The following CTNND2 variants were observed in gnomAD, a reference collection of about 807,000 sequenced individuals.
The protein encoded by CTNND2 is catenin delta 2, also known as catenin delta-2.
In CTNND2, 22 loss-of-function variants were observed where a neutral mutation model predicts 144.4. That is an observed-to-expected ratio of 0.15 (90% CI 0.11 to 0.22). The LOEUF (loss-of-function observed/expected upper bound fraction) is 0.22. Ranked by LOEUF, CTNND2 falls within the 10% of genes least tolerant of loss-of-function variation. The probability of loss-of-function intolerance (pLI) is 1.00; values close to 1 mark genes in which losing one functional copy is unlikely to be tolerated. For missense variants in CTNND2, 1,353 were observed against 1,618.8 expected (o/e 0.84, Z 2.82); for synonymous variants, 751 against 695.6 (o/e 1.08, Z -1.25).
intron 9 of CTNND2, among the ~76,000 whole-genome samples, chr5:11,322,580 A>G (rs1752141016): frequency 2.0e-5 from 3 of 152,178 alleles, no homozygotes; most frequent in Admixed American, 2.0e-4. Flanking sequence ...TATTTTATGA[A>G]ATTGTTCTAT....
At chr5:11,106,691 T>C (rs1262639301) in intron 14 of CTNND2, among the ~76,000 whole-genome samples, 2 of 152,206 alleles carry the variant, frequency 1.3e-5, no homozygotes, top group African/African-American at 4.8e-5. Flanking sequence ...CCCTACTCAC[T>C]GCACACCCTG....
At position 11,619,407 on chromosome 5, in the gene CTNND2, C is replaced by T. The variant is rs903938290; in HGVS notation, c.175-54351G>A. On this transcript the variant is annotated intron_variant, in intron 2 of 21. Coordinates refer to ENST00000304623, the MANE Select transcript of CTNND2 (RefSeq NM_001332.4). The stretch of plus-strand genomic sequence containing the variant: ...TAGGTGACAGAGTGAGACTGTGTCT[C>T]AAAAACAAAAAACAAAAACCCCAAA... Among the ~76,000 whole-genome samples the T allele has an allele frequency of 2.6e-5, 4 of 152,148 alleles. 1 individual carries two copies. The South Asian group carries it at 8.3e-4, about 32-fold the overall frequency.
chr5:11,521,991 G>A (rs1772768554), intron 3 of CTNND2, among the ~76,000 whole-genome samples: 2 of 152,102 alleles, frequency 1.3e-5, no homozygotes, highest in South Asian at 4.2e-4. Flanking sequence ...AGCTGTATGA[G>A]ACCAGCCTCA....
intron 14 of CTNND2, among the ~76,000 whole-genome samples, chr5:11,099,023 A>T (rs2149666733): frequency 6.6e-6 from 1 of 152,288 alleles, no homozygotes; most frequent in African/African-American, 2.4e-5. Context: ...CTCTCCAAGA[A>T]CGACTCTAAC....
intron 2 of CTNND2, among the ~76,000 whole-genome samples, chr5:11,579,128 G>T (rs1778207168): frequency 6.6e-6 from 1 of 150,534 alleles, no homozygotes. Context: ...TTCAAGCTGT[G>T]AAGGTTTTAG....
intron 9 of CTNND2, among the ~76,000 whole-genome samples, chr5:11,238,886 T>G (rs1364739972): frequency 6.6e-6 from 1 of 152,208 alleles, no homozygotes; most frequent in Non-Finnish European, 1.5e-5. Context: ...AAAACAATCA[T>G]AGAATTAAAA....
At chr5:11,362,574 A>G (rs1481693797) in intron 8 of CTNND2, among the ~76,000 whole-genome samples, 6 of 152,154 alleles carry the variant, frequency 3.9e-5, no homozygotes, top group Non-Finnish European at 7.4e-5. Context: ...AAATTTCCAT[A>G]GTATTACGTC....
intron 10 of CTNND2, among the ~76,000 whole-genome samples, chr5:11,223,692 T>A (rs1191359339): frequency 6.6e-6 from 1 of 152,146 alleles, no homozygotes; most frequent in Non-Finnish European, 1.5e-5. Flanking sequence ...CACACAGAAC[T>A]GTCACGCTGA....
At chr5:11,724,597 G>T (rs1018863060) in intron 2 of CTNND2, among the ~76,000 whole-genome samples, 11 of 152,146 alleles carry the variant, frequency 7.2e-5, no homozygotes, top group African/African-American at 2.7e-4. Flanking sequence ...GGCCAACAGT[G>T]CTACAGTGGT....
intron 1 of CTNND2, among the ~76,000 whole-genome samples, chr5:11,774,573 CAAT>C (rs1379930737): frequency 7.2e-6 from 1 of 139,090 alleles, no homozygotes; most frequent in African/African-American, 2.6e-5. Context: ...AAAAAAAAAA[CAAT>C]GATGGCTTTA....
At chr5:11,668,093 C>G (rs1343726794) in intron 2 of CTNND2, among the ~76,000 whole-genome samples, 1 of 152,158 alleles carries the variant, frequency 6.6e-6, no homozygotes, top group Non-Finnish European at 1.5e-5. Context: ...GGTGTTATTT[C>G]TGAGGCCTCT....
At chr5:11,554,434 G>C (rs908054709) in intron 3 of CTNND2, among the ~76,000 whole-genome samples, 1 of 152,174 alleles carries the variant, frequency 6.6e-6, no homozygotes, top group South Asian at 2.1e-4. Flanking sequence ...TTGAATGCAT[G>C]TGCTTGGGGA....
chr5:11,789,702 A>T (rs891174297), intron 1 of CTNND2, among the ~76,000 whole-genome samples: 2 of 152,116 alleles, frequency 1.3e-5, no homozygotes, highest in African/African-American at 2.4e-5. Context: ...CTTGCTTCCA[A>T]ATCTTTTTAC....
At chr5:11,795,883 T>C (rs1418311110) in intron 1 of CTNND2, among the ~76,000 whole-genome samples, 2 of 152,232 alleles carry the variant, frequency 1.3e-5, no homozygotes, top group African/African-American at 4.8e-5. Flanking sequence ...TAGGTCAGAA[T>C]GTCCACACAG....
At chr5:11,506,722 C>T (rs571346445) in intron 3 of CTNND2, among the ~76,000 whole-genome samples, 36 of 152,186 alleles carry the variant, frequency 2.4e-4, no homozygotes, top group Non-Finnish European at 4.9e-4. Context: ...CACTATGAGG[C>T]ATGCCCAGGG....
chr5:11,089,930 A>C (rs1750587803), intron 15 of CTNND2, among the ~76,000 whole-genome samples: 1 of 152,154 alleles, frequency 6.6e-6, no homozygotes, highest in African/African-American at 2.4e-5. Flanking sequence ...AATCCCTTGA[A>C]CCAGGGAGGC....
chr5:11,330,608 G>T (rs1299685359), intron 9 of CTNND2, among the ~76,000 whole-genome samples: 1 of 150,824 alleles, frequency 6.6e-6, no homozygotes, highest in Non-Finnish European at 1.5e-5. Flanking sequence ...TGGATCACTT[G>T]AGGTCAGGAG....
chr5:11,229,804 TACAC>T (rs893651169), intron 10 of CTNND2, among the ~76,000 whole-genome samples: 2 of 151,874 alleles, frequency 1.3e-5, no homozygotes, highest in East Asian at 1.9e-4. Context: ...ACTGTGTACA[TACAC>T]ACATATATAT....
chr5:11,836,957 T>G (rs1050224915), intron 1 of CTNND2, among the ~76,000 whole-genome samples: 1 of 152,126 alleles, frequency 6.6e-6, no homozygotes, highest in Admixed American at 6.5e-5. Context: ...GGAAAGGTGG[T>G]CAGCAGCAGT....
Sources: gnomAD v4.1 joint callset for allele counts (sites outside exome capture counted in the v4.1 genomes callset) on GRCh38, gnomAD v4.1.1 for gene constraint, MANE v1.5 for transcripts, NCBI Gene and HGNC (gene_info 2026-07-23, HGNC 2026-07-21) for gene names.